ABCC9: variants seen among roughly 807,000 people sequenced by gnomAD.
ABCC9 encodes ATP binding cassette subfamily C member 9, also known as ATP-binding cassette sub-family C member 9.
In ABCC9, 95 loss-of-function variants were observed where a neutral mutation model predicts 188.3. The observed-to-expected ratio is 0.50, with a 90% CI of 0.43 to 0.60. The LOEUF is 0.60. Ranked by LOEUF, ABCC9 falls within the 20% of genes least tolerant of loss-of-function variation. ABCC9 has a pLI of 0.00. For missense variants in ABCC9, 1,102 were observed against 1,876.3 expected, an observed-to-expected ratio of 0.59 and a Z score of 7.62; for synonymous variants, 659 against 652.7, an observed-to-expected ratio of 1.01 and a Z score of -0.15.
chr12:21,853,220 C>T (rs1057409903), intron 22 of ABCC9, among the ~76,000 whole-genome samples: 6 of 151,816 alleles, frequency 4.0e-5, no homozygotes, highest in African/African-American at 7.3e-5. Context: ...AGGTTGAGAC[C>T]GGAGAATCGC....
chr12:21,919,271 T>C (rs1948715529), intron 5 of ABCC9, among the ~76,000 whole-genome samples: 1 of 151,828 alleles, frequency 6.6e-6, no homozygotes. Context: ...ACTAATAAAA[T>C]TGATAAGTCC....
chr12:21,905,673 TA>T (rs1198191146), intron 12 of ABCC9, among the ~76,000 whole-genome samples: 1 of 152,158 alleles, frequency 6.6e-6, no homozygotes, highest in Non-Finnish European at 1.5e-5. Flanking sequence ...GAAAAATAGT[TA>T]AAGGATCTTT....
chr12:21,838,604 C>G (rs1486245497), intron 29 of ABCC9, among the ~76,000 whole-genome samples: 1 of 152,118 alleles, frequency 6.6e-6, no homozygotes, highest in African/African-American at 2.4e-5. Flanking sequence ...CTTGCAAGTT[C>G]AATCTGTCTG....
At chr12:21,905,974 G>A (rs1386650586) in intron 12 of ABCC9, 152 bp downstream of exon 12, 1 of 815,656 alleles carries the variant, frequency 1.2e-6, no homozygotes, top group African/African-American at 1.7e-5. Context: ...AGCCTCGTGT[G>A]GCTGGTGGCT....
intron 31 of ABCC9, among the ~76,000 whole-genome samples, chr12:21,824,942 T>A (rs117704855): frequency 7.5e-6 from 1 of 132,894 alleles, no homozygotes; most frequent in African/African-American, 2.6e-5. Context: ...TTGTTGATCT[T>A]TTTTGTTGAT....
At chr12:21,827,743 G>C (rs1262152281) in intron 31 of ABCC9, among the ~76,000 whole-genome samples, 1 of 152,132 alleles carries the variant, frequency 6.6e-6, no homozygotes, top group African/African-American at 2.4e-5. Flanking sequence ...AACTGTCACA[G>C]CTACCTGGAG....
At chr12:21,861,997 G>A (rs187696640) in intron 20 of ABCC9, among the ~76,000 whole-genome samples, 2 of 152,230 alleles carry the variant, frequency 1.3e-5, no homozygotes, top group Non-Finnish European at 2.9e-5. Context: ...GGGGGAAATG[G>A]CAATGATTTT....
chr12:21,804,719 C>T (rs1292006309), intron 39 of ABCC9, among the ~76,000 whole-genome samples: 1 of 152,190 alleles, frequency 6.6e-6, no homozygotes, highest in East Asian at 1.9e-4. Flanking sequence ...CCAAAGGGTT[C>T]TGTTTCTCCC....
intron 25 of ABCC9, among the ~76,000 whole-genome samples, chr12:21,846,841 C>G (rs1362374091): frequency 6.6e-6 from 1 of 152,094 alleles, no homozygotes. Flanking sequence ...TCCATGGCTG[C>G]CCAGCTAAAG....
chr12:21,844,430 T>C (rs1944528590), intron 28 of ABCC9, 53 bp downstream of exon 28: 1 of 1,389,370 alleles, frequency 7.2e-7, no homozygotes. Flanking sequence ...AAATGCTATT[T>C]AGCTTACATT....
chr12:21,834,671 G>A (rs1477107564), intron 30 of ABCC9, among the ~76,000 whole-genome samples: 3 of 151,922 alleles, frequency 2.0e-5, no homozygotes, highest in South Asian at 2.1e-4. Flanking sequence ...GTCAGGAATC[G>A]AATGTGTCTT....
At position 21,845,817 on chromosome 12, in the gene ABCC9, TC is replaced by T; in HGVS notation, c.2881del (p.Glu961LysfsTer10). On this transcript the variant is annotated frameshift_variant, in exon 26 of 40. Transcript: ENST00000261200. LOFTEE classifies it high-confidence loss of function. ...EDEDEEEEEE[E>X]DEDDNMSTVM... ...AGTGGACATGTTATCATCCTCATCTTCCTCCTCTTCTTCCTCTACATACAAA... is the reference window on the plus strand; with the variant it reads ...AGTGGACATGTTATCATCCTCATCTTCTCCTCTTCTTCCTCTACATACAAA... 6.2e-7 allele frequency: 1 copy of T among 1,613,414 alleles called. No homozygotes were observed. The highest frequency in any genetic ancestry group is 8.5e-7 in the Non-Finnish European group (1 of 1,179,778).
chr12:21,915,300 G>A (rs1237788109), intron 7 of ABCC9, among the ~76,000 whole-genome samples: 1 of 132,886 alleles, frequency 7.5e-6, no homozygotes, highest in Non-Finnish European at 1.6e-5. Context: ...ATATACATGT[G>A]TATATATATA....
intron 5 of ABCC9, chr12:21,923,088 A>G (rs1948899512): frequency 6.6e-6 from 1 of 151,132 alleles, no homozygotes. Context: ...ACTTGGAAAA[A>G]AAAAAAAAAG....
At chr12:21,878,372 CT>C (rs1279482734) in intron 16 of ABCC9, among the ~76,000 whole-genome samples, 1 of 152,086 alleles carries the variant, frequency 6.6e-6, no homozygotes, top group African/African-American at 2.4e-5. Context: ...GCTAAAAATC[CT>C]TTAGTACCTT....
chr12:21,902,493 A>G (rs1450591179), intron 12 of ABCC9, among the ~76,000 whole-genome samples: 1 of 152,242 alleles, frequency 6.6e-6, no homozygotes, highest in Non-Finnish European at 1.5e-5. Context: ...CCTTCAAAAA[A>G]TAAATGAATC....
chr12:21,933,708 C>G, intron 4 of ABCC9, 74 bp downstream of exon 4: 9 of 1,544,316 alleles, frequency 5.8e-6, no homozygotes, highest in Non-Finnish European at 7.2e-6. Flanking sequence ...GCACAAGTTA[C>G]AAAGATGTGA....
intron 8 of ABCC9, among the ~76,000 whole-genome samples, chr12:21,912,405 C>T (rs372298738): frequency 3.6e-4 from 55 of 151,926 alleles, no homozygotes; most frequent in African/African-American, 1.3e-3. Context: ...ATGTGACTTG[C>T]CCTGAACATT....
intron 26 of ABCC9, among the ~76,000 whole-genome samples, chr12:21,845,265 T>C (rs1944591570): frequency 6.6e-6 from 1 of 152,118 alleles, no homozygotes. Context: ...ATGTAGGTAG[T>C]TAACATCAAA....
Sources: gnomAD v4.1 joint callset for allele counts (sites outside exome capture counted in the v4.1 genomes callset) on GRCh38, gnomAD v4.1.1 for gene constraint, MANE v1.5 for transcripts, NCBI Gene and HGNC (gene_info 2026-07-23, HGNC 2026-07-21) for gene names.